RNF213: variants seen among roughly 807,000 people sequenced by gnomAD.
The protein encoded by RNF213 is ring finger protein 213.
RNF213 carries 341 observed loss-of-function variants against 514.4 expected under a neutral mutation model. That is an observed-to-expected ratio of 0.66 (90% confidence interval 0.61 to 0.73). RNF213 has a LOEUF of 0.73. RNF213 is among the 30% of genes least tolerant of loss of function. The pLI, the probability that RNF213 is intolerant of heterozygous loss-of-function variation, is 0.00. For synonymous variants in RNF213, 2,655 were observed against 2,658.2 expected (o/e 1.00, Z 0.04); for missense variants, 5,767 against 6,615.6 (o/e 0.87, Z 4.45).
At chr17:80,295,891 T>C (rs1327396259) in intron 10 of RNF213, 78 bp downstream of exon 10, 2 of 1,518,912 alleles carry the variant, frequency 1.3e-6, no homozygotes, top group Admixed American at 1.7e-5. Context: ...AGTGCTTGAC[T>C]AGAGTGACTG....
chr17:80,285,028 G>T (rs558965612), intron 3 of RNF213, among the ~76,000 whole-genome samples: 1 of 152,318 alleles, frequency 6.6e-6, no homozygotes, highest in South Asian at 2.1e-4. Flanking sequence ...AACAGGGAGA[G>T]CCAAGGGACC....
intron 20 of RNF213, among the ~76,000 whole-genome samples, chr17:80,330,371 G>A (rs1262032995): frequency 6.6e-6 from 1 of 152,200 alleles, no homozygotes; most frequent in Non-Finnish European, 1.5e-5. Flanking sequence ...CCCTCTGCGG[G>A]GTGCTGCCGT....
chr17:80,389,788 A>G (rs371134969), intron 65 of RNF213, 40 bp from the exon 66 acceptor site: 7 of 1,533,198 alleles, frequency 4.6e-6, no homozygotes, highest in Non-Finnish European at 6.3e-6. Flanking sequence ...TGGGGGTGTG[A>G]GACCTCAGCC....
At chr17:80,364,750 G>A (rs2079193924) in intron 42 of RNF213, 197 bp downstream of exon 42, 1 of 628,302 alleles carries the variant, frequency 1.6e-6, no homozygotes, top group South Asian at 1.8e-5. Context: ...ACCCTCTGCT[G>A]ATTGCTAAGT....
In RNF213 at chr17:80,372,962, G is replaced by A. The variant is rs752578610; in HGVS notation, c.12752-13G>A. 9.9e-6 allele frequency: 16 copies of A among 1,612,090 alleles called. No individual in the cohort carries two copies. The highest frequency in any genetic ancestry group is 6.7e-5 in the East Asian group (3 of 44,806). On this transcript the variant is annotated splice_polypyrimidine_tract_variant and intron_variant, in intron 48 of 67. Coordinates refer to ENST00000582970, the MANE Select transcript of RNF213 (RefSeq NM_001256071.3). ...TCACCAGCCACTCACCCGCTTTCTCGTTGGCCTCTCAGAGATGGCCAAGGA... is the reference window on the plus strand; with the variant it reads ...TCACCAGCCACTCACCCGCTTTCTCATTGGCCTCTCAGAGATGGCCAAGGA...
chr17:80,393,166 A>C (rs573984771), intron 67 of RNF213, among the ~76,000 whole-genome samples, 179 bp from the exon 68 acceptor site: 21 of 151,964 alleles, frequency 1.4e-4, no homozygotes, highest in African/African-American at 5.1e-4. Flanking sequence ...TTTTTGCTAG[A>C]GACAGGGTTT....
At chr17:80,331,748 A>G (rs1340446824) in intron 20 of RNF213, among the ~76,000 whole-genome samples, 1 of 152,202 alleles carries the variant, frequency 6.6e-6, no homozygotes, top group Admixed American at 6.5e-5. Flanking sequence ...GGGTTTGGCA[A>G]AGAGAGTAAA....
chr17:80,282,575 A>G (rs1173115038), intron 3 of RNF213, among the ~76,000 whole-genome samples: 3 of 150,128 alleles, frequency 2.0e-5, no homozygotes, highest in Admixed American at 6.6e-5. Flanking sequence ...ATTTTTTTGT[A>G]TTTTTGTAGA....
intron 30 of RNF213, 61 bp downstream of exon 30, chr17:80,349,967 G>T: frequency 6.2e-7 from 1 of 1,600,566 alleles, no homozygotes. Context: ...TGTGGCTTCT[G>T]CGTGGCGATG....
At chr17:80,371,370 C>T (rs549570398) in intron 46 of RNF213, among the ~76,000 whole-genome samples, 9 of 152,352 alleles carry the variant, frequency 5.9e-5, no homozygotes, top group Non-Finnish European at 7.3e-5. Flanking sequence ...TATGCTGCAG[C>T]GATGGGGAGC....
chr17:80,387,013 C>T (rs2080264302), intron 63 of RNF213, 122 bp downstream of exon 63: 2 of 968,494 alleles, frequency 2.1e-6, no homozygotes, highest in African/African-American at 3.2e-5. Context: ...GTATCTCCTC[C>T]CTCACACCTG....
chr17:80,290,808 A>T, intron 7 of RNF213, 80 bp downstream of exon 7: 10 of 1,550,352 alleles, frequency 6.5e-6, no homozygotes, highest in African/African-American at 1.4e-5. Flanking sequence ...GTTTAAAAAA[A>T]TTTTGTTTTT....
At chr17:80,298,811 C>CA (rs71365598) in intron 11 of RNF213, 5,745 of 222,206 alleles carry the variant, frequency 0.026, 5 homozygotes, top group South Asian at 0.043. Context: ...CGAAAAATAC[C>CA]AAAAAAAAAA....
Position 80,306,400 on chromosome 17 carries a change from C to G in RNF213, c.2359C>G (p.His787Asp), listed in dbSNP as rs375566084. Residue 787 changes from histidine to aspartate, a missense_variant, in exon 12 of 68, where the codon CAT becomes GAT. Transcript: ENST00000582970. ...FIEHLGRFPA[H>D]ILDCLSGIYY... ...TGAGCACCTGGGTCGTTTTCCTGCT[C>G]ATATCCTGGACTGTCTTTCAGGGAT... 3 of 1,614,052 alleles carry G rather than the reference C, an allele frequency of 1.9e-6. No individual in the cohort carries two copies. Among genetic ancestry groups the G allele is most frequent in the Non-Finnish European group, 2.5e-6 (3 of 1,180,052 alleles).
At chr17:80,320,507 T>A (rs989563745) in intron 17 of RNF213, 1 of 152,148 alleles carries the variant, frequency 6.6e-6, no homozygotes, top group African/African-American at 2.4e-5. Flanking sequence ...ACTTTTTGTT[T>A]AAAGAGTCTT....
At chr17:80,382,945 T>C in intron 57 of RNF213, 34 bp from the exon 58 acceptor site, 1 of 1,381,732 alleles carries the variant, frequency 7.2e-7, no homozygotes, top group Non-Finnish European at 1.0e-6. Context: ...TCTTTGTGCC[T>C]TGGGTAACCT....
Position 80,389,208 on chromosome 17 carries a change from T to A in RNF213, c.15036T>A (p.Ser5012Arg). 1.2e-6 allele frequency: 2 copies of A among 1,614,160 alleles called. No homozygotes were observed. The highest frequency in any genetic ancestry group is 1.7e-6 in the Non-Finnish European group (2 of 1,179,990). The change falls in exon 65 of 68, where the codon AGT (serine) becomes AGA (arginine). Residue 5012 changes from serine (S) to arginine (R), a missense_variant. Physicochemically the swap from Ser to Arg is moderately radical, Grantham distance 110. Coordinates refer to ENST00000582970, the MANE Select transcript of RNF213 (RefSeq NM_001256071.3). Reference protein sequence around the residue: ...SLPSSVISAISGQLQSYSDAC... With the variant: ...SLPSSVISAIRGQLQSYSDAC... ...CCAGCTCGGTCATTAGTGCCATCAG[T>A]GGACAGCTGCAGTCCTACAGCGATG...
At chr17:80,323,942 A>G (rs2046213302) in intron 17 of RNF213, among the ~76,000 whole-genome samples, 1 of 151,844 alleles carries the variant, frequency 6.6e-6, no homozygotes, top group South Asian at 2.1e-4. Context: ...ATCCTGCAAC[A>G]TTGCTGAGCT....
chr17:80,385,309 G>A, intron 60 of RNF213, 138 bp downstream of exon 60: 1 of 1,147,504 alleles, frequency 8.7e-7, no homozygotes, highest in Non-Finnish European at 1.3e-6. Flanking sequence ...ACCATGCGGT[G>A]AAGGGTGCTT....
Sources: gnomAD v4.1 joint callset for allele counts (sites outside exome capture counted in the v4.1 genomes callset) on GRCh38, gnomAD v4.1.1 for gene constraint, MANE v1.5 for transcripts, NCBI Gene and HGNC (gene_info 2026-07-23, HGNC 2026-07-21) for gene names.